SDK1: variants seen among roughly 807,000 people sequenced by gnomAD.
SDK1 encodes protein sidekick-1.
SDK1 carries 157 observed loss-of-function variants against 245.5 expected under a neutral mutation model. The ratio of observed to expected loss-of-function variants is 0.64; its 90% CI spans 0.56 to 0.73. SDK1 has a LOEUF of 0.73. Ranked by LOEUF, SDK1 falls within the 30% of genes least tolerant of loss-of-function variation. SDK1 has a pLI of 0.00. For synonymous variants in SDK1, 1,647 were observed against 1,278.5 expected (o/e 1.29, Z -6.15); for missense variants, 3,583 against 3,002.3 (o/e 1.19, Z -4.52).
chr7:3,447,532 T>C (rs1476628020), intron 1 of SDK1, among the ~76,000 whole-genome samples: 1 of 152,104 alleles, frequency 6.6e-6, no homozygotes, highest in Admixed American at 6.5e-5. Flanking sequence ...TAGGACAGTA[T>C]GTATAGAACA....
chr7:4,257,952 T>C (rs1335521516), intron 44 of SDK1, among the ~76,000 whole-genome samples: 1 of 151,638 alleles, frequency 6.6e-6, no homozygotes, highest in Non-Finnish European at 1.5e-5. Context: ...GGGGAAGAAC[T>C]GCTTCCTTCA....
At chr7:3,921,741 G>C (rs751275801) in intron 5 of SDK1, among the ~76,000 whole-genome samples, 5 of 152,160 alleles carry the variant, frequency 3.3e-5, no homozygotes, top group African/African-American at 4.8e-5. Context: ...CGAGGCAGGA[G>C]GATCACTTGA....
In SDK1 at chr7:4,026,283, T is replaced by C. The variant is rs1298437645; in HGVS notation, c.2602+8931T>C. Among the ~76,000 whole-genome samples, 1 of 152,162 alleles carries C rather than the reference T, an allele frequency of 6.6e-6. No homozygotes were observed. The highest frequency in any genetic ancestry group is 1.9e-4 in the East Asian group (1 of 5,190). ...GAGAGGAAGAGGAAGAGACACCAAGTCGGCAGGAGCCCAAGCGAGTGGCCA... is the reference window on the plus strand; with the variant it reads ...GAGAGGAAGAGGAAGAGACACCAAGCCGGCAGGAGCCCAAGCGAGTGGCCA... On this transcript the variant is annotated intron_variant, in intron 17 of 44. Transcript: ENST00000404826. The surrounding 1 kb of genome is among the most constrained non-coding windows in gnomAD (Gnocchi z 4.1).
chr7:3,930,389 C>G (rs955193601), intron 5 of SDK1, among the ~76,000 whole-genome samples: 4 of 152,322 alleles, frequency 2.6e-5, no homozygotes, highest in East Asian at 1.9e-4. Flanking sequence ...GAGGCAGAAT[C>G]TGCACTTGAA....
intron 5 of SDK1, among the ~76,000 whole-genome samples, chr7:3,890,768 C>A (rs770550303): frequency 1.3e-5 from 2 of 152,078 alleles, no homozygotes; most frequent in Non-Finnish European, 2.9e-5. Context: ...ATGGTGAAAC[C>A]CTGTCTCTAC....
At chr7:3,779,389 T>C (rs1370543920) in intron 4 of SDK1, among the ~76,000 whole-genome samples, 1 of 151,944 alleles carries the variant, frequency 6.6e-6, no homozygotes, top group East Asian at 1.9e-4. Flanking sequence ...CTGAGACAGA[T>C]GGGAGACATC....
intron 1 of SDK1, among the ~76,000 whole-genome samples, chr7:3,358,428 CG>C (rs1183183791): frequency 1.1e-4 from 11 of 104,312 alleles, no homozygotes; most frequent in East Asian, 9.2e-4. Context: ...ATCATTACAA[CG>C]TTTTTTTTTT....
intron 17 of SDK1, among the ~76,000 whole-genome samples, chr7:4,027,038 T>C (rs1349350444): frequency 1.3e-5 from 2 of 152,344 alleles, no homozygotes; most frequent in Non-Finnish European, 1.5e-5. Flanking sequence ...AAACGGTGTG[T>C]GCTGTTGTGC....
intron 2 of SDK1, among the ~76,000 whole-genome samples, chr7:3,633,049 T>G (rs1782345585): frequency 6.6e-6 from 1 of 152,216 alleles, no homozygotes; most frequent in Non-Finnish European, 1.5e-5. Flanking sequence ...CATAAATGGC[T>G]TACAGTTATT....
intron 1 of SDK1, among the ~76,000 whole-genome samples, chr7:3,316,801 T>C (rs1282254680): frequency 1.3e-5 from 2 of 152,194 alleles, no homozygotes; most frequent in Non-Finnish European, 2.9e-5. Context: ...AAGTCTACAG[T>C]ATTTGTTTTC....
At chr7:3,345,633 G>GT (rs1206752205) in intron 1 of SDK1, among the ~76,000 whole-genome samples, 2 of 152,160 alleles carry the variant, frequency 1.3e-5, no homozygotes, top group Non-Finnish European at 2.9e-5. Flanking sequence ...CTTGTAACAT[G>GT]TTTTCAGAAA....
chr7:3,903,150 T>TTG (rs1781846360), intron 5 of SDK1, among the ~76,000 whole-genome samples: 1 of 61,658 alleles, frequency 1.6e-5, no homozygotes, highest in South Asian at 8.8e-4. Context: ...TTTTGTTTTG[T>TTG]TTTTTTTTTT....
At chr7:3,655,448 AATATATATATATATATATATAT>A (rs1194322286) in intron 4 of SDK1, among the ~76,000 whole-genome samples, 5,216 of 66,294 alleles carry the variant, frequency 0.079, 336 homozygotes, top group Non-Finnish European at 0.089. Flanking sequence ...AAACAAAACA[AATATATATATATATATATATAT>A]ATATATATAT....
rs111385835 is a variant in SDK1 at position 4,002,159 on chromosome 7, C to T, written c.2132-8807C>T. 5.3e-5 allele frequency among the ~76,000 whole-genome samples: 8 copies of T among 152,350 alleles called. 1 individual carries two copies. The highest frequency in any genetic ancestry group is 4.1e-4 in the South Asian group (2 of 4,826). On this transcript the variant is annotated intron_variant, in intron 14 of 44. Coordinates refer to ENST00000404826, the MANE Select transcript of SDK1 (RefSeq NM_152744.4). ...TTTGCATAACGAGTTATTATCTATG[C>T]TTCTCTCTTAGTGCCCAGATGAGCT...
chr7:3,546,964 T>A (rs1779244422), intron 1 of SDK1, among the ~76,000 whole-genome samples: 1 of 152,212 alleles, frequency 6.6e-6, no homozygotes, highest in African/African-American at 2.4e-5. Flanking sequence ...TTCACACTTT[T>A]GATTTAACTA....
intron 33 of SDK1, among the ~76,000 whole-genome samples, chr7:4,175,411 G>A (rs1195407024): frequency 6.6e-6 from 1 of 152,236 alleles, no homozygotes; most frequent in Non-Finnish European, 1.5e-5. Flanking sequence ...TCCAGCCGGG[G>A]CTCCCTGCGT....
chr7:4,053,937 T>TG (rs1273895128), intron 19 of SDK1, among the ~76,000 whole-genome samples: 1 of 152,078 alleles, frequency 6.6e-6, no homozygotes, highest in African/African-American at 2.4e-5. Context: ...GGTGGTTTTT[T>TG]TTGTTGTTGT....
intron 4 of SDK1, among the ~76,000 whole-genome samples, chr7:3,668,722 C>T (rs530922584): frequency 3.5e-4 from 53 of 152,282 alleles, no homozygotes; most frequent in African/African-American, 1.2e-3. Flanking sequence ...ACCTGGGAGG[C>T]GGAGTTTGCA....
chr7:3,934,145 G>C (rs1027908143), intron 5 of SDK1, among the ~76,000 whole-genome samples: 3 of 152,238 alleles, frequency 2.0e-5, no homozygotes, highest in Non-Finnish European at 2.9e-5. Flanking sequence ...TCTGTAGCAA[G>C]AGAAAATAAC....
Sources: gnomAD v4.1 joint callset for allele counts (sites outside exome capture counted in the v4.1 genomes callset) on GRCh38, gnomAD v4.1.1 for gene constraint, Gnocchi (gnomAD v3.1) non-coding constraint, MANE v1.5 for transcripts, NCBI Gene and HGNC (gene_info 2026-07-23, HGNC 2026-07-21) for gene names.